Variants in ZNF792 observed in about 807,000 individuals in gnomAD.
ZNF792 encodes the protein zinc finger protein 792.
A neutral mutation model predicts 13.1 loss-of-function variants in ZNF792; 14 were observed. That is an observed-to-expected ratio of 1.07 (90% CI 0.71 to 1.67). The LOEUF (loss-of-function observed/expected upper bound fraction) is 1.67. ZNF792 is among the 40% of genes most tolerant of loss of function. ZNF792 has a pLI of 0.00. For missense variants in ZNF792, 740 were observed against 807.9 expected (o/e 0.92, Z 1.02); for synonymous variants, 257 against 292.0 (o/e 0.88, Z 1.22).
rs754670568 is a variant in ZNF792 at position 34,959,437 on chromosome 19, G to A, written c.418C>T (p.Arg140Cys). The A allele has an allele frequency of 3.1e-5, 50 of 1,613,972 alleles. No homozygotes were observed. The highest frequency in any genetic ancestry group is 1.6e-4 in the Middle Eastern group (1 of 6,084). Residue 140 changes from arginine (R) to cysteine (C), a missense_variant, in exon 4 of 4, where the codon CGT (arginine) becomes TGT (cysteine). Arg to Cys is a radical substitution (Grantham distance 180). Coordinates refer to ENST00000404801, the MANE Select transcript of ZNF792 (RefSeq NM_175872.5). ...GCCAAATGCAAAATGTCTTTCAAAC[G>A]TAGGCCACATATGTCACAGGGGCAG... Reference protein sequence around the residue: ...KTCPCDICGLRLKDILHLAEH... With the variant: ...KTCPCDICGLCLKDILHLAEH...
rs2013454123 is a variant in ZNF792 at position 34,957,822 on chromosome 19, C to G, written c.*134G>C. On this transcript the variant is annotated 3_prime_UTR_variant, in exon 4 of 4. Coordinates refer to ENST00000404801, the MANE Select transcript of ZNF792 (RefSeq NM_175872.5). Reference sequence around the variant, plus strand: ...CCTGAGCACAGTGGAGTGGTGGACACACTCTTTGGAGAGCTGCAGTGTGTG... The same window carrying G: ...CCTGAGCACAGTGGAGTGGTGGACAGACTCTTTGGAGAGCTGCAGTGTGTG... 1.2e-6 allele frequency: 1 copy of G among 855,850 alleles called. No individual in the cohort carries two copies. Among genetic ancestry groups the G allele is most frequent in the African/African-American group, 1.7e-5 (1 of 58,398 alleles). The allele number at this position is 855,850 out of a possible 1,614,324, so 53.0% of individuals were successfully genotyped here. A position where few individuals can be genotyped will look rare whatever the true frequency, so the allele number is the denominator to read the frequency against.
In ZNF792 at chr19:34,957,988, G is replaced by T; in HGVS notation, c.1867C>A (p.His623Asn). Residue 623 changes from histidine (H) to asparagine (N), a missense_variant, in exon 4 of 4, where the codon CAT becomes AAT. His to Asn is a moderately conservative substitution (Grantham distance 68, BLOSUM62 1). Coordinates refer to ENST00000404801, the MANE Select transcript of ZNF792 (RefSeq NM_175872.5). ...GAVNYKLKLV[H>N]PSTHPGEVP is the part of the protein sequence containing the mutation. ...ACCTCCCCAGGGTGGGTACTTGGAT[G>T]AACAAGTTTCAACTTGTAGTTGACA... 6.2e-7 allele frequency: 1 copy of T among 1,611,804 alleles called. No individual in the cohort carries two copies. The highest frequency in any genetic ancestry group is 8.5e-7 in the Non-Finnish European group (1 of 1,178,612).
rs779163118 is a variant in ZNF792, at chr19:34,957,951, C to G, written c.*5G>C. 1.9e-6 allele frequency: 3 copies of G among 1,583,082 alleles called. No individual in the cohort carries two copies. Among genetic ancestry groups the G allele is most frequent in the Non-Finnish European group, 2.6e-6 (3 of 1,163,332 alleles). On this transcript the variant is annotated 3_prime_UTR_variant, in exon 4 of 4. Coordinates refer to ENST00000404801, the MANE Select transcript of ZNF792 (RefSeq NM_175872.5). ...TCCAGAAAGCTTCCAACACAGCTAG[C>G]ATTCCTAGGGAACCTCCCCAGGGTG... is the stretch of plus-strand genomic sequence containing the variant.
rs201934340 is a variant in ZNF792, at chr19:34,959,326, G to A, written c.529C>T (p.Arg177Trp). 2.2e-5 allele frequency: 36 copies of A among 1,613,764 alleles called. No homozygotes were observed. The East Asian group carries it at 5.6e-4, about 25-fold the overall frequency. Reference sequence around the variant, plus strand: ...TGTACGTTCTGCTGCACCTGTTTCCGGGGAAGGTTTGCACTGAACTCAGAG... The same window carrying A: ...TGTACGTTCTGCTGCACCTGTTTCCAGGGAAGGTTTGCACTGAACTCAGAG... ...KGSEFSANLP[R>W]KQVQQNVHNP... Residue 177 changes from arginine to tryptophan, a missense_variant, in exon 4 of 4, where the codon CGG becomes TGG. Coordinates refer to ENST00000404801, the MANE Select transcript of ZNF792 (RefSeq NM_175872.5).
rs2013564475 is a variant in ZNF792, at chr19:34,963,719, G to C, written c.-57C>G. The stretch of plus-strand genomic sequence containing the variant: ...TGCGGGAAACCACGGGGCGGGGGTA[G>C]GGGGTCTCGCAGGCTGAGGCTACCA... On this transcript the variant is annotated 5_prime_UTR_variant, in exon 1 of 4. Coordinates refer to ENST00000404801, the MANE Select transcript of ZNF792 (RefSeq NM_175872.5). 10 of 1,513,832 alleles carry C rather than the reference G, an allele frequency of 6.6e-6. No individual in the cohort carries two copies. The South Asian group carries it at 1.1e-4, about 17-fold the overall frequency. The allele number at this position is 1,513,832 out of a possible 1,614,324, so 93.8% of individuals were successfully genotyped here.
intron 2 of ZNF792, chr19:34,960,635 C>A: frequency 1.4e-6 from 1 of 705,844 alleles, no homozygotes; most frequent in East Asian, 2.8e-5. Context: ...CCGCAAGACC[C>A]CTCATGCCTG....
In ZNF792 at chr19:34,958,383, G is replaced by C. The variant is rs1026706829; in HGVS notation, c.1472C>G (p.Ser491Cys). The C allele has an allele frequency of 6.2e-7, 1 of 1,613,782 alleles. No individual in the cohort carries two copies. Among genetic ancestry groups the C allele is most frequent in the Admixed American group, 1.7e-5 (1 of 60,008 alleles). The change falls in exon 4 of 4, where the codon TCC becomes TGC. Residue 491 changes from serine to cysteine, a missense_variant. Ser to Cys is a moderately radical substitution (Grantham distance 112, BLOSUM62 -1). Coordinates refer to ENST00000404801, the MANE Select transcript of ZNF792 (RefSeq NM_175872.5). ...AAGTCTCCGATGGCTATTGAGGCTG[G>C]AGCTCTGGCTAAATAACTTCCCACA... ...NECGKLFSQS[S>C]SLNSHRRLHT...
chr19:34,960,476 G>T, intron 2 of ZNF792, 119 bp from the exon 3 acceptor site: 1 of 1,277,062 alleles, frequency 7.8e-7, no homozygotes, highest in Non-Finnish European at 1.1e-6. Context: ...ACGGCAAGCA[G>T]TAACCACATC....
chr19:34,960,235 C>A lies in ZNF792; in HGVS notation c.283G>T (p.Asp95Tyr). 1.9e-6 allele frequency: 3 copies of A among 1,613,542 alleles called. No homozygotes were observed. The highest frequency in any genetic ancestry group is 2.5e-6 in the Non-Finnish European group (3 of 1,179,538). Reference sequence around the variant, plus strand: ...TCCCCTAGCTCCCATCGCTGCTTACCAGAGCCAGGCCTGCCATAAGCCCCT... The same window carrying A: ...TCCCCTAGCTCCCATCGCTGCTTACAAGAGCCAGGCCTGCCATAAGCCCCT... ...ARGAYGRPGS[D>Y]FCHGTEGKDL... Residue 95 changes from aspartate (D) to tyrosine (Y), a missense_variant and splice_region_variant, in exon 3 of 4, where the codon GAT becomes TAT. Coordinates refer to ENST00000404801, the MANE Select transcript of ZNF792 (RefSeq NM_175872.5).
rs2013446819 is a variant in ZNF792 at position 34,957,340 on chromosome 19, A to C, written c.*616T>G. ...TCCTAGGAGGCCTTGGTGGCAATGC[A>C]AATGAGGTCAAATCTGGATTGACAG... On this transcript the variant is annotated 3_prime_UTR_variant, in exon 4 of 4. Coordinates refer to ENST00000404801, the MANE Select transcript of ZNF792 (RefSeq NM_175872.5). 6.6e-6 allele frequency: 1 copy of C among 152,236 alleles called. No individual in the cohort carries two copies. Among genetic ancestry groups the C allele is most frequent in the Admixed American group, 6.5e-5 (1 of 15,284 alleles). 9.4% of individuals were successfully genotyped at this position (152,236 alleles called of 1,614,324 possible).
rs1455756090 is a variant in ZNF792 at position 34,958,915 on chromosome 19, C to G, written c.940G>C (p.Glu314Gln). 2 of 1,613,740 alleles carry G rather than the reference C, an allele frequency of 1.2e-6. No individual in the cohort carries two copies. Among genetic ancestry groups the G allele is most frequent in the Non-Finnish European group, 1.7e-6 (2 of 1,179,800 alleles). The change falls in exon 4 of 4, where the codon GAA becomes CAA. Residue 314 changes from glutamate to glutamine, a missense_variant. Physicochemically the swap from Glu to Gln is conservative, Grantham distance 29 (BLOSUM62 2). Transcript: ENST00000404801. ...HNRGKPYECC[E>Q]CGKFFSQHSS... ...TGCTGGCTGAAGAATTTTCCACATT[C>G]ACAGCACTCATACGGTTTTCCTCTA...
rs1418554680 is a variant in ZNF792, at chr19:34,958,717, T to C, written c.1138A>G (p.Asn380Asp). 1.2e-6 allele frequency: 2 copies of C among 1,614,000 alleles called. No homozygotes were observed. Among genetic ancestry groups the C allele is most frequent in the Non-Finnish European group, 1.7e-6 (2 of 1,179,998 alleles). ...TGAACCCTCTTATGATGAATGAGGT[T>C]GGAACGCTGGCTGAAGAACTTCCCA... ...DCGKFFSQRS[N>D]LIHHKRVHTG... The change falls in exon 4 of 4, where the codon AAC becomes GAC. Residue 380 changes from asparagine to aspartate, a missense_variant. Transcript: ENST00000404801.
At position 34,958,809 on chromosome 19, in the gene ZNF792, C is replaced by T. The variant is rs755586820; in HGVS notation, c.1046G>A (p.Arg349Gln). 241 of 1,613,760 alleles carry T rather than the reference C, an allele frequency of 1.5e-4. No individual in the cohort carries two copies. The highest frequency in any genetic ancestry group is 1.9e-4 in the Non-Finnish European group (220 of 1,179,922). The change falls in exon 4 of 4, where the codon CGA becomes CAA. Residue 349 changes from arginine to glutamine, a missense_variant. Arg to Gln is a conservative substitution (Grantham distance 43, BLOSUM62 1). Transcript: ENST00000404801. ...CTTATGCTGAATGAGGTTGGAGCTT[C>T]GGCTGAAGAATTTCCCACAGTCACC... ...VCGDCGKFFS[R>Q]SSNLIQHKRV...
At position 34,958,551 on chromosome 19, in the gene ZNF792, G is replaced by A; in HGVS notation, c.1304C>T (p.Ala435Val). 6.3e-7 allele frequency: 1 copy of A among 1,598,836 alleles called. No individual in the cohort carries two copies. The highest frequency in any genetic ancestry group is 8.5e-7 in the Non-Finnish European group (1 of 1,171,500). ...NECGKFFSHI[A>V]SLIQHQIVHT... Reference sequence around the variant, plus strand: ...AACTATCTGATGTTGAATGAGGCTGGCAATGTGGCTGAAGAATTTCCCACA... The same window carrying A: ...AACTATCTGATGTTGAATGAGGCTGACAATGTGGCTGAAGAATTTCCCACA... The change falls in exon 4 of 4, where the codon GCC becomes GTC. Residue 435 changes from alanine (A) to valine (V), a missense_variant. By Grantham distance (64) the Ala-to-Val change is moderately conservative (BLOSUM62 0). Coordinates refer to ENST00000404801, the MANE Select transcript of ZNF792 (RefSeq NM_175872.5).
Position 34,958,362 on chromosome 19 carries a change from C to G in ZNF792, c.1493G>C (p.Arg498Thr). ...GTAAGGCCGTTCACCAGTGTGAAGTCTCCGATGGCTATTGAGGCTGGAGCT... is the reference window on the plus strand; with the variant it reads ...GTAAGGCCGTTCACCAGTGTGAAGTGTCCGATGGCTATTGAGGCTGGAGCT... ...SQSSSLNSHR[R>T]LHTGERPYQC... The change falls in exon 4 of 4, where the codon AGA becomes ACA. Residue 498 changes from arginine (R) to threonine (T), a missense_variant. Transcript: ENST00000404801. The G allele has an allele frequency of 6.2e-7, 1 of 1,613,556 alleles. No individual in the cohort carries two copies.
intron 1 of ZNF792, 42 bp downstream of exon 1, chr19:34,963,588 G>A (rs1300366297): frequency 9.4e-6 from 15 of 1,590,374 alleles, no homozygotes; most frequent in Non-Finnish European, 1.3e-5. Flanking sequence ...GAACAGAAGC[G>A]TGGGGGGCCG....
In ZNF792 at chr19:34,959,282, C is replaced by T. The variant is rs550589607; in HGVS notation, c.573G>A (p.Glu191=). Residue 191 remains glutamate, a synonymous_variant, in exon 4 of 4, where the codon GAG becomes GAA. Coordinates refer to ENST00000404801, the MANE Select transcript of ZNF792 (RefSeq NM_175872.5). ...QQNVHNPIRT[E]EGQASPVKTC... The stretch of plus-strand genomic sequence containing the variant: ...TCTTTACAGGGGAAGCCTGGCCCTC[C>T]TCCGTTCTGATAGGGTTGTGTACGT... 6.2e-6 allele frequency: 10 copies of T among 1,614,044 alleles called. No individual in the cohort carries two copies. In the Admixed American group the frequency reaches 8.3e-5, roughly 13 times the overall value.
chr19:34,963,979 T>G lies in ZNF792; in HGVS notation c.-317A>C. ...GGTCCGGGAAAGCCGGCGGGGCAGC[T>G]TCACGGGCGTAGCCCCAGCCGCCCC... On this transcript the variant is annotated 5_prime_UTR_variant, in exon 1 of 4. Transcript: ENST00000404801. 5.8e-6 allele frequency: 2 copies of G among 344,908 alleles called. No homozygotes were observed. Among genetic ancestry groups the G allele is most frequent in the Non-Finnish European group, 1.1e-5 (2 of 190,302 alleles). 21.4% of individuals were successfully genotyped at this position (344,908 alleles called of 1,614,324 possible).
rs2013448425 is a variant in ZNF792, at chr19:34,957,455, A to G, written c.*501T>C. The stretch of plus-strand genomic sequence containing the variant: ...CTTAACTCTGCTCTTGAACCACCCC[A>G]CACAGTGATCAGAACATGGAAGACT... On this transcript the variant is annotated 3_prime_UTR_variant, in exon 4 of 4. Transcript: ENST00000404801. 6.5e-6 allele frequency: 1 copy of G among 153,058 alleles called. No individual in the cohort carries two copies. Among genetic ancestry groups the G allele is most frequent in the Non-Finnish European group, 1.5e-5 (1 of 68,746 alleles). The allele number at this position is 153,058 out of a possible 1,614,324, so 9.5% of individuals were successfully genotyped here.
Sources: allele counts gnomAD v4.1 joint callset, GRCh38; gene constraint gnomAD v4.1.1; transcripts MANE v1.5; gene names NCBI Gene and HGNC (gene_info 2026-07-23, HGNC 2026-07-21).